The following CABCOCO1 variants were observed in gnomAD, a reference collection of about 807,000 sequenced individuals.
The protein encoded by CABCOCO1 is ciliary associated calcium binding coiled-coil 1.
Under a neutral mutation model 35.7 loss-of-function variants are expected in CABCOCO1, and 28 were observed. That is an observed-to-expected ratio of 0.78 (90% confidence interval 0.58 to 1.07). CABCOCO1 has a LOEUF of 1.07. Among genes scored for constraint, CABCOCO1 ranks in the 50% least tolerant of loss-of-function variants. CABCOCO1 has a pLI of 0.00. For missense variants in CABCOCO1, 326 were observed against 309.2 expected, an observed-to-expected ratio of 1.05 and a Z score of -0.41; for synonymous variants, 95 against 100.1, an observed-to-expected ratio of 0.95 and a Z score of 0.30.
chr10:61,728,520 A>C (rs1275105616), intron 5 of CABCOCO1, among the ~76,000 whole-genome samples: 1 of 152,214 alleles, frequency 6.6e-6, no homozygotes, highest in Non-Finnish European at 1.5e-5. Context: ...AATAATTTGT[A>C]TTATCTCTTC....
intron 5 of CABCOCO1, among the ~76,000 whole-genome samples, chr10:61,749,322 A>T (rs35265670): frequency 0.23 from 34,756 of 152,142 alleles, 4,069 homozygotes; most frequent in Middle Eastern, 0.29. Context: ...GTTTTTCTGC[A>T]TGCCTGTTCC....
At chr10:61,736,481 T>G (rs1422791213) in intron 5 of CABCOCO1, among the ~76,000 whole-genome samples, 1 of 152,174 alleles carries the variant, frequency 6.6e-6, no homozygotes, top group Non-Finnish European at 1.5e-5. Flanking sequence ...GGGCTCCCTA[T>G]TCTGTTCCTT....
chr10:61,766,168 G>T lies in CABCOCO1; in HGVS notation c.*155G>T. ...TTTCCTAAGTAATTAGAAAAGTATT[G>T]GTCCCAATTTTGCTATCTCCCATCC... On this transcript the variant is annotated 3_prime_UTR_variant, in exon 8 of 8. Coordinates refer to ENST00000648843, the MANE Select transcript of CABCOCO1 (RefSeq NM_001366906.2). The T allele has an allele frequency of 4.6e-6, 3 of 655,734 alleles. No homozygotes were observed. In the South Asian group the frequency reaches 7.2e-5, roughly 16 times the overall value. The allele number at this position is 655,734 out of a possible 1,614,324, so 40.6% of individuals were successfully genotyped here.
In CABCOCO1 at chr10:61,691,622, T is replaced by C. The variant is rs201408147; in HGVS notation, c.552+1001T>C. Among the ~76,000 whole-genome samples the C allele has an allele frequency of 1.4e-4, 21 of 152,232 alleles. No individual in the cohort carries two copies. The East Asian group carries it at 2.3e-3, about 17-fold the overall frequency. ...ACCCGTCATTTACATTAGGTATTTC[T>C]CCTAATACTATCCCTCCCCTTGCCC... On this transcript the variant is annotated intron_variant, in intron 5 of 7. Transcript: ENST00000648843.
chr10:61,664,485 A>T (rs561373650), intron 1 of CABCOCO1, among the ~76,000 whole-genome samples: 1 of 152,208 alleles, frequency 6.6e-6, no homozygotes, highest in Non-Finnish European at 1.5e-5. Context: ...GTTGAGTCAG[A>T]TGAATGAGCT....
chr10:61,678,673 G>A (rs1026360431), intron 2 of CABCOCO1, among the ~76,000 whole-genome samples: 1 of 152,026 alleles, frequency 6.6e-6, no homozygotes. Flanking sequence ...AGGGTTACAA[G>A]ATAACTGGCG....
intron 5 of CABCOCO1, among the ~76,000 whole-genome samples, chr10:61,738,054 TAA>T (rs36102340): frequency 2.8e-5 from 4 of 141,696 alleles, no homozygotes; most frequent in African/African-American, 7.7e-5. Flanking sequence ...ATATCTTATT[TAA>T]AAAAAAAAAA....
At chr10:61,707,470 C>T (rs760899481) in intron 5 of CABCOCO1, among the ~76,000 whole-genome samples, 3 of 152,290 alleles carry the variant, frequency 2.0e-5, no homozygotes, top group Non-Finnish European at 4.4e-5. Flanking sequence ...CTACTTATCA[C>T]CTGTGGATGT....
chr10:61,762,776 T>C (rs1842033618), intron 7 of CABCOCO1, among the ~76,000 whole-genome samples: 1 of 152,088 alleles, frequency 6.6e-6, no homozygotes, highest in Admixed American at 6.6e-5. Context: ...GTTCTAGTTC[T>C]AATTCCAGCG....
chr10:61,765,427 G>A lies in CABCOCO1; in HGVS notation c.817-512G>A, dbSNP rs559632853. Reference sequence around the variant, plus strand: ...ATATCAGAAAGTGGCATCATTCCAAGAGTTCTAATGTATGATGAATACTCT... The same window carrying A: ...ATATCAGAAAGTGGCATCATTCCAAAAGTTCTAATGTATGATGAATACTCT... On this transcript the variant is annotated intron_variant, in intron 7 of 7. Transcript: ENST00000648843. 2.0e-5 allele frequency among the ~76,000 whole-genome samples: 3 copies of A among 152,254 alleles called. No homozygotes were observed. The South Asian group carries it at 6.2e-4, about 32-fold the overall frequency.
At chr10:61,667,644 A>T (rs1839231604) in intron 1 of CABCOCO1, among the ~76,000 whole-genome samples, 1 of 152,042 alleles carries the variant, frequency 6.6e-6, no homozygotes, top group Non-Finnish European at 1.5e-5. Flanking sequence ...AGTATAATTC[A>T]ATCAAGTTTT....
intron 1 of CABCOCO1, among the ~76,000 whole-genome samples, chr10:61,666,784 T>G (rs1840460371): frequency 1.3e-5 from 2 of 151,246 alleles, no homozygotes; most frequent in South Asian, 4.1e-4. Flanking sequence ...AAATAAACTA[T>G]TTTGTCTCTT....
At chr10:61,680,591 ATGTTATACATG>A (rs1564532489) in intron 2 of CABCOCO1, among the ~76,000 whole-genome samples, 6 of 46,844 alleles carry the variant, frequency 1.3e-4, no homozygotes, top group South Asian at 6.0e-4. Context: ...TATATAACAT[ATGTTATACATG>A]TATAACATGT....
At chr10:61,739,774 C>T (rs1841507856) in intron 5 of CABCOCO1, among the ~76,000 whole-genome samples, 1 of 152,012 alleles carries the variant, frequency 6.6e-6, no homozygotes, top group Non-Finnish European at 1.5e-5. Context: ...AACCCTGTCT[C>T]TACTAAAAAT....
intron 5 of CABCOCO1, among the ~76,000 whole-genome samples, chr10:61,750,525 G>A (rs570385269): frequency 3.9e-5 from 6 of 152,260 alleles, no homozygotes; most frequent in East Asian, 1.9e-4. Context: ...GCAGTGAGCC[G>A]AGATCGTGCC....
intron 5 of CABCOCO1, among the ~76,000 whole-genome samples, chr10:61,722,649 T>A (rs893344714): frequency 6.6e-6 from 1 of 151,760 alleles, no homozygotes; most frequent in African/African-American, 2.4e-5. Flanking sequence ...AGAAAAGTGG[T>A]AGAACTCATA....
intron 5 of CABCOCO1, among the ~76,000 whole-genome samples, chr10:61,757,698 CAG>C (rs1049823887): frequency 6.9e-5 from 4 of 57,814 alleles, no homozygotes; most frequent in African/African-American, 1.8e-4. Flanking sequence ...CACACACACA[CAG>C]ACACACACAC....
chr10:61,680,573 T>TA (rs1332906274), intron 2 of CABCOCO1, among the ~76,000 whole-genome samples: 4 of 95,482 alleles, frequency 4.2e-5, no homozygotes, highest in East Asian at 3.6e-4. Flanking sequence ...TTTGTATATA[T>TA]TATGTTATAT....
At chr10:61,697,149 T>C (rs1840317172) in intron 5 of CABCOCO1, among the ~76,000 whole-genome samples, 1 of 152,108 alleles carries the variant, frequency 6.6e-6, no homozygotes, top group Non-Finnish European at 1.5e-5. Context: ...CTTCCCTAAA[T>C]ATCTTCTCTG....
Sources: allele counts gnomAD v4.1 joint callset (sites outside exome capture counted in the v4.1 genomes callset), GRCh38; gene constraint gnomAD v4.1.1; transcripts MANE v1.5; gene names NCBI Gene and HGNC (gene_info 2026-07-23, HGNC 2026-07-21).